The following SLC25A21 variants were observed in gnomAD, a reference collection of about 807,000 sequenced individuals.
The protein encoded by SLC25A21 is mitochondrial 2-oxodicarboxylate carrier.
SLC25A21 carries 47 observed loss-of-function variants against 43.8 expected under a neutral mutation model. That is an observed-to-expected ratio of 1.07 (90% CI 0.85 to 1.37). The LOEUF is 1.37. Among genes scored for constraint, SLC25A21 ranks in the 40% most tolerant of loss-of-function variants. The pLI, the probability that SLC25A21 is intolerant of heterozygous loss-of-function variation, is 0.00. For missense variants in SLC25A21, 352 were observed against 350.2 expected, an observed-to-expected ratio of 1.00 and a Z score of -0.04; for synonymous variants, 131 against 121.3, an observed-to-expected ratio of 1.08 and a Z score of -0.52.
At chr14:36,973,516 T>C (rs1459772837) in intron 1 of SLC25A21, among the ~76,000 whole-genome samples, 1 of 152,166 alleles carries the variant, frequency 6.6e-6, no homozygotes, top group African/African-American at 2.4e-5. Context: ...ATGAATTTAT[T>C]GCATTAGAGG....
In SLC25A21 at chr14:37,049,755, A is replaced by G. The variant is rs547276908; in HGVS notation, c.70+122526T>C. Among the ~76,000 whole-genome samples, 304 of 152,318 alleles carry G rather than the reference A, an allele frequency of 2.0e-3. 1 individual carries two copies. Among genetic ancestry groups the G allele is most frequent in the Non-Finnish European group, 3.7e-3 (254 of 68,024 alleles). ...TAGGTGAAATTAATTTTAAAAATAT[A>G]TTTTATTTAATGTAATGTATCCAAA... On this transcript the variant is annotated intron_variant, in intron 1 of 9. Coordinates refer to ENST00000331299, the MANE Select transcript of SLC25A21 (RefSeq NM_030631.4).
intron 1 of SLC25A21, among the ~76,000 whole-genome samples, chr14:36,980,822 A>T (rs1960002920): frequency 6.6e-6 from 1 of 152,274 alleles, no homozygotes; most frequent in African/African-American, 2.4e-5. Context: ...AATGGCAACA[A>T]AAGCCAAATT....
intron 3 of SLC25A21, among the ~76,000 whole-genome samples, chr14:36,752,633 G>C (rs532712569): frequency 6.6e-6 from 1 of 152,266 alleles, no homozygotes; most frequent in Admixed American, 6.5e-5. Context: ...GACACAAAAA[G>C]ACAAGTACTG....
At chr14:37,091,679 A>AT (rs1962589508) in intron 1 of SLC25A21, among the ~76,000 whole-genome samples, 1 of 152,240 alleles carries the variant, frequency 6.6e-6, no homozygotes, top group South Asian at 2.1e-4. Context: ...AGAAAGAACC[A>AT]TAAGTATTGA....
chr14:36,979,748 G>A (rs747480192), intron 1 of SLC25A21, among the ~76,000 whole-genome samples: 2 of 152,030 alleles, frequency 1.3e-5, no homozygotes, highest in South Asian at 2.1e-4. Context: ...AGAAAAACCC[G>A]GACCCTGAAA....
chr14:36,705,703 A>C (rs1183938432), intron 7 of SLC25A21, among the ~76,000 whole-genome samples: 1 of 152,184 alleles, frequency 6.6e-6, no homozygotes, highest in Non-Finnish European at 1.5e-5. Context: ...AAGATGAAAA[A>C]CACTGTAAGA....
At chr14:36,712,813 G>A (rs1566527339) in intron 6 of SLC25A21, among the ~76,000 whole-genome samples, 2 of 152,290 alleles carry the variant, frequency 1.3e-5, no homozygotes, top group South Asian at 2.1e-4. Context: ...GAAGGTTAAA[G>A]TTTACTTTCT....
At chr14:36,989,069 AT>A (rs1385445515) in intron 1 of SLC25A21, among the ~76,000 whole-genome samples, 4 of 152,214 alleles carry the variant, frequency 2.6e-5, no homozygotes, top group Non-Finnish European at 5.9e-5. Flanking sequence ...GAATTATCAT[AT>A]TTCATGTTGT....
At chr14:37,030,762 TG>T (rs778355299) in intron 1 of SLC25A21, among the ~76,000 whole-genome samples, 13 of 152,300 alleles carry the variant, frequency 8.5e-5, no homozygotes, top group East Asian at 7.7e-4. Context: ...TTGTACTCGT[TG>T]GTAAGTGTTC....
At chr14:37,110,281 A>C (rs1418746802) in intron 1 of SLC25A21, among the ~76,000 whole-genome samples, 1 of 152,184 alleles carries the variant, frequency 6.6e-6, no homozygotes, top group African/African-American at 2.4e-5. Context: ...TAGTCCCTTG[A>C]GCACTTGCTT....
chr14:36,780,733 T>C (rs1887025383), intron 3 of SLC25A21, among the ~76,000 whole-genome samples: 1 of 152,094 alleles, frequency 6.6e-6, no homozygotes. Flanking sequence ...AGACTTGTTT[T>C]GTGGCATAAT....
chr14:36,746,194 A>G (rs1885489632), intron 3 of SLC25A21, among the ~76,000 whole-genome samples: 1 of 152,192 alleles, frequency 6.6e-6, no homozygotes, highest in African/African-American at 2.4e-5. Flanking sequence ...AAAGTCATGG[A>G]ATCAATCTAA....
intron 1 of SLC25A21, among the ~76,000 whole-genome samples, chr14:37,127,483 T>C (rs1471691190): frequency 6.6e-6 from 1 of 152,254 alleles, no homozygotes; most frequent in Non-Finnish European, 1.5e-5. Flanking sequence ...AAACTTCCTC[T>C]ATAGTTAGAT....
intron 1 of SLC25A21, among the ~76,000 whole-genome samples, chr14:37,102,575 G>C (rs560200929): frequency 1.3e-5 from 2 of 152,192 alleles, no homozygotes; most frequent in South Asian, 4.2e-4. Flanking sequence ...AAGAAGGGTG[G>C]TAGTTTGTCT....
chr14:36,871,814 A>G (rs929943859), intron 2 of SLC25A21, among the ~76,000 whole-genome samples: 3 of 151,482 alleles, frequency 2.0e-5, no homozygotes, highest in African/African-American at 2.4e-5. Context: ...ATTGGATTTT[A>G]TTTTATTTTT....
chr14:36,678,701 C>CTT lies in SLC25A21; in HGVS notation c.*1955_*1956dup. 8.1e-7 allele frequency: 1 copy of CTT among 1,233,396 alleles called. No individual in the cohort carries two copies. Among genetic ancestry groups the CTT allele is most frequent in the Non-Finnish European group, 1.0e-6 (1 of 985,654 alleles). The allele number at this position is 1,233,396 out of a possible 1,614,324, so 76.4% of individuals were successfully genotyped here. On this transcript the variant is annotated 3_prime_UTR_variant, in exon 10 of 10. Transcript: ENST00000331299. ...GTGGAAATGCAAATAATGTTATTTT[C>CTT]TTTATCTAAATTAAGAAATCTCTTG...
At chr14:36,930,427 C>T (rs1892255394) in intron 1 of SLC25A21, among the ~76,000 whole-genome samples, 1 of 152,010 alleles carries the variant, frequency 6.6e-6, no homozygotes, top group Non-Finnish European at 1.5e-5. Flanking sequence ...CCCTTTTTCA[C>T]TCAGTCCCCT....
chr14:36,756,736 T>C (rs916555610), intron 3 of SLC25A21, among the ~76,000 whole-genome samples: 51 of 152,276 alleles, frequency 3.3e-4, no homozygotes, highest in African/African-American at 1.1e-3. Context: ...CCTGGTACAG[T>C]TCCTTAGAAC....
chr14:36,862,250 C>A (rs771256649), intron 2 of SLC25A21, among the ~76,000 whole-genome samples: 1 of 152,168 alleles, frequency 6.6e-6, no homozygotes, highest in Non-Finnish European at 1.5e-5. Flanking sequence ...CCAGCAATCC[C>A]ATTACTGGGT....
Sources: gnomAD v4.1 joint callset for allele counts (sites outside exome capture counted in the v4.1 genomes callset) on GRCh38, gnomAD v4.1.1 for gene constraint, MANE v1.5 for transcripts, NCBI Gene and HGNC (gene_info 2026-07-23, HGNC 2026-07-21) for gene names.